Variants in LRP1 observed in about 807,000 individuals in gnomAD.
The protein encoded by LRP1 is prolow-density lipoprotein receptor-related protein 1.
Under a neutral mutation model 541.5 loss-of-function variants are expected in LRP1, and 51 were observed. That is an observed-to-expected ratio of 0.09 (90% CI 0.08 to 0.12). The LOEUF (loss-of-function observed/expected upper bound fraction) is 0.12. Among genes scored for constraint, LRP1 ranks in the 10% least tolerant of loss-of-function variants. The probability of loss-of-function intolerance (pLI) is 1.00; values close to 1 mark genes in which losing one functional copy is unlikely to be tolerated. For synonymous variants in LRP1, 2,219 were observed against 2,470.8 expected, an observed-to-expected ratio of 0.90 and a Z score of 3.02; for missense variants, 3,878 against 6,376.2, an observed-to-expected ratio of 0.61 and a Z score of 13.34.
intron 11 of LRP1, among the ~76,000 whole-genome samples, chr12:57,159,309 T>C (rs969058164): frequency 1.3e-5 from 2 of 152,132 alleles, no homozygotes; most frequent in African/African-American, 2.4e-5. Flanking sequence ...AGCAATCATA[T>C]CACAAGACTT....
chr12:57,129,940 A>G (rs2035003764), intron 1 of LRP1, among the ~76,000 whole-genome samples: 1 of 151,952 alleles, frequency 6.6e-6, no homozygotes, highest in South Asian at 2.1e-4. Context: ...TATTCCCTGC[A>G]CCCCTCCAAG....
intron 20 of LRP1, among the ~76,000 whole-genome samples, chr12:57,172,063 T>C (rs1234215326): frequency 3.6e-5 from 2 of 55,998 alleles, no homozygotes; most frequent in Non-Finnish European, 6.6e-5. Context: ...TTCTTTTTTC[T>C]TTTTTTTTTT....
chr12:57,191,836 T>TGTAC (rs2036393436), intron 44 of LRP1, among the ~76,000 whole-genome samples: 1 of 15,946 alleles, frequency 6.3e-5, no homozygotes, highest in Non-Finnish European at 1.2e-4. Context: ...ACCACACACA[T>TGTAC]ACCACACACA....
chr12:57,212,740 C>T lies in LRP1; in HGVS notation c.*185C>T, dbSNP rs757939090. 5.5e-4 allele frequency: 347 copies of T among 634,928 alleles called. No homozygotes were observed. Among genetic ancestry groups the T allele is most frequent in the Non-Finnish European group, 8.1e-4 (314 of 385,516 alleles). The allele number at this position is 634,928 out of a possible 1,614,324, so 39.3% of individuals were successfully genotyped here. A position where few individuals can be genotyped will look rare whatever the true frequency, so the allele number is the denominator to read the frequency against. ...GCGAGCACAGTATTATTTCTCCATC[C>T]CCTCCCTGCCTGCTCCTTGGCACCC... On this transcript the variant is annotated 3_prime_UTR_variant, in exon 89 of 89. Transcript: ENST00000243077. This position sits in a 1 kb window ranked among gnomAD's most constrained non-coding sequence, Gnocchi z 5.0.
Position 57,205,288 on chromosome 12 carries a change from G to C in LRP1, c.11335+39G>C. 6.3e-7 allele frequency: 1 copy of C among 1,597,356 alleles called. No individual in the cohort carries two copies. Among genetic ancestry groups the C allele is most frequent in the Non-Finnish European group, 8.6e-7 (1 of 1,169,246 alleles). ...GCGGACCGGACGCTGGTGGGGAGTG[G>C]GGAGAGCCAAGCCCTGGCCTGGGGT... is the stretch of plus-strand genomic sequence containing the variant. On this transcript the variant is annotated intron_variant, in intron 73 of 88. Coordinates refer to ENST00000243077, the MANE Select transcript of LRP1 (RefSeq NM_002332.3). The surrounding 1 kb of genome is among the most constrained non-coding windows in gnomAD (Gnocchi z 4.6).
At chr12:57,208,462 G>A in intron 77 of LRP1, 1 of 596,744 alleles carries the variant, frequency 1.7e-6, no homozygotes. Context: ...GTCATGCACA[G>A]CCACACTCTG....
chr12:57,168,419 G>A (rs1357623572), intron 19 of LRP1, among the ~76,000 whole-genome samples: 1 of 152,180 alleles, frequency 6.6e-6, no homozygotes, highest in Non-Finnish European at 1.5e-5. Flanking sequence ...ACGGCAGAGG[G>A]AGCCTCTGAG....
chr12:57,198,178 G>A lies in LRP1; in HGVS notation c.9305G>A (p.Ser3102Asn). Residue 3102 changes from serine (S) to asparagine (N), a missense_variant, in exon 59 of 89, where the codon AGC becomes AAC. By Grantham distance (46) the Ser-to-Asn change is conservative. Coordinates refer to ENST00000243077, the MANE Select transcript of LRP1 (RefSeq NM_002332.3). Reference sequence around the variant, plus strand: ...CAGGTCCTACACCGTACAGGCCTCAGCAACCCCGATGGGCTGGCTGTGGAC... The same window carrying A: ...CAGGTCCTACACCGTACAGGCCTCAACAACCCCGATGGGCTGGCTGTGGAC... ...NVQVLHRTGL[S>N]NPDGLAVDWV... The A allele has an allele frequency of 6.2e-7, 1 of 1,612,536 alleles. No individual in the cohort carries two copies. The highest frequency in any genetic ancestry group is 8.5e-7 in the Non-Finnish European group (1 of 1,179,766).
At chr12:57,193,062 C>A (rs554769627) in intron 45 of LRP1, 92 bp downstream of exon 45, 61 of 1,585,646 alleles carry the variant, frequency 3.8e-5, no homozygotes, top group Non-Finnish European at 4.8e-5. Context: ...CCCAGCCCCC[C>A]AAAGCCTTTT....
chr12:57,191,572 C>A, intron 44 of LRP1, 60 bp downstream of exon 44: 8 of 1,421,042 alleles, frequency 5.6e-6, no homozygotes, highest in Non-Finnish European at 7.7e-6. Flanking sequence ...GACATACAAA[C>A]ACACACCCCA....
chr12:57,212,560 C>A lies in LRP1; in HGVS notation c.*5C>A. ...ATAGGGGACCCCTTGGCATAGGGCCCTGCCCCGTCGGACTGCCCCCAGAAA... is the reference window on the plus strand; with the variant it reads ...ATAGGGGACCCCTTGGCATAGGGCCATGCCCCGTCGGACTGCCCCCAGAAA... On this transcript the variant is annotated 3_prime_UTR_variant, in exon 89 of 89. Transcript: ENST00000243077. This position sits in a 1 kb window ranked among gnomAD's most constrained non-coding sequence, Gnocchi z 5.0. 6.3e-7 allele frequency: 1 copy of A among 1,584,958 alleles called. No individual in the cohort carries two copies. Among genetic ancestry groups the A allele is most frequent in the Non-Finnish European group, 8.6e-7 (1 of 1,164,516 alleles).
intron 79 of LRP1, 45 bp from the exon 80 acceptor site, chr12:57,209,647 C>T: frequency 1.3e-6 from 2 of 1,566,212 alleles, no homozygotes; most frequent in South Asian, 1.1e-5. Flanking sequence ...ATGGCCAGGG[C>T]CTGAGTGCCC....
chr12:57,195,492 C>G, intron 52 of LRP1, 93 bp downstream of exon 52: 5 of 1,578,154 alleles, frequency 3.2e-6, no homozygotes, highest in Non-Finnish European at 2.6e-6. Context: ...GAGGAAATGC[C>G]TCAGCGGGGT....
Position 57,138,576 on chromosome 12 carries a change from A to C in LRP1, c.185A>C (p.Glu62Ala), listed in dbSNP as rs748981547. 1 of 1,613,822 alleles carries C rather than the reference A, an allele frequency of 6.2e-7. No individual in the cohort carries two copies. The highest frequency in any genetic ancestry group is 1.1e-5 in the South Asian group (1 of 91,056). Residue 62 changes from glutamate to alanine, a missense_variant, in exon 2 of 89, where the codon GAG (glutamate) becomes GCG (alanine). By Grantham distance (107) the Glu-to-Ala change is moderately radical. Around this residue, in one of 13 missense-constraint regions of LRP1, gnomAD observed 293 missense variants for 403.7 expected, o/e 0.73. Transcript: ENST00000243077. ...CCAGACGGATCTGACGAGGCCCCTG[A>C]GATTTGTAAGTACCTTTTCTGGATT... ...DCPDGSDEAPEICPQSKAQRC... is the reference protein window; with the variant it reads ...DCPDGSDEAPAICPQSKAQRC...
intron 76 of LRP1, among the ~76,000 whole-genome samples, chr12:57,207,221 C>T (rs1266946384): frequency 4.8e-5 from 7 of 144,416 alleles, no homozygotes; most frequent in Non-Finnish European, 7.5e-5. Flanking sequence ...CCAGCCTGGG[C>T]GAGAGAGTGA....
chr12:57,183,240 T>C lies in LRP1; in HGVS notation c.5663-139T>C. 2.1e-6 allele frequency: 2 copies of C among 941,204 alleles called. No individual in the cohort carries two copies. Among genetic ancestry groups the C allele is most frequent in the Non-Finnish European group, 1.6e-6 (1 of 632,510 alleles). 58.3% of individuals were successfully genotyped at this position (941,204 alleles called of 1,614,324 possible). On this transcript the variant is annotated intron_variant, in intron 34 of 88. Coordinates refer to ENST00000243077, the MANE Select transcript of LRP1 (RefSeq NM_002332.3). This position sits in a 1 kb window ranked among gnomAD's most constrained non-coding sequence, Gnocchi z 6.1. ...CATGCTCTGGCCTCAGGCTAGGGTG[T>C]GTGTGCTGGGTGGAGGATAGGGATG... is the stretch of plus-strand genomic sequence containing the variant.
Position 57,212,502 on chromosome 12 carries a change from C to A in LRP1, c.13582C>A (p.Arg4528=), listed in dbSNP as rs1480326508. 6.2e-7 allele frequency: 1 copy of A among 1,613,914 alleles called. No homozygotes were observed. The highest frequency in any genetic ancestry group is 8.5e-7 in the Non-Finnish European group (1 of 1,179,920). ...RHSLASTDEK[R]ELLGRGPEDE... is the part of the protein sequence containing the mutation. ...CTCCCTGGCCAGCACGGACGAGAAGCGAGAACTCCTGGGCCGGGGCCCTGA... is the reference window on the plus strand; with the variant it reads ...CTCCCTGGCCAGCACGGACGAGAAGAGAGAACTCCTGGGCCGGGGCCCTGA... Residue 4528 remains arginine, a synonymous_variant, in exon 89 of 89, where the codon CGA becomes AGA. Transcript: ENST00000243077. This position sits in a 1 kb window ranked among gnomAD's most constrained non-coding sequence, Gnocchi z 5.0.
rs1434106046 is a variant in LRP1, at chr12:57,178,507, G to T, written c.4510G>T (p.Ala1504Ser). The T allele has an allele frequency of 6.2e-7, 1 of 1,614,096 alleles. No individual in the cohort carries two copies. Among genetic ancestry groups the T allele is most frequent in the Non-Finnish European group, 8.5e-7 (1 of 1,180,034 alleles). Residue 1504 changes from alanine (A) to serine (S), a missense_variant, in exon 27 of 89, where the codon GCC (alanine) becomes TCC (serine). Ala to Ser is a moderately conservative substitution (Grantham distance 99, BLOSUM62 1). This residue lies in a region of LRP1 where 54 missense variants were observed against 167.7 expected (regional missense o/e 0.32). Transcript: ENST00000243077. This position sits in a 1 kb window ranked among gnomAD's most constrained non-coding sequence, Gnocchi z 5.8. ...CTGGCGAACAAACACACTGGCTAAG[G>T]CCAACAAGTGGACCGGCCACAATGT... ...TDWRTNTLAK[A>S]NKWTGHNVTV...
intron 69 of LRP1, 36 bp from the exon 70 acceptor site, chr12:57,203,353 C>A (rs763405591): frequency 6.3e-7 from 1 of 1,591,672 alleles, no homozygotes; most frequent in South Asian, 1.1e-5. Flanking sequence ...TGGGGAGTGC[C>A]GAGAGGTGAC....
Sources: allele counts gnomAD v4.1 joint callset (sites outside exome capture counted in the v4.1 genomes callset), GRCh38; gene constraint gnomAD v4.1.1; regional missense constraint gnomAD v4.1.1; non-coding constraint Gnocchi (gnomAD v3.1); transcripts MANE v1.5; gene names NCBI Gene and HGNC (gene_info 2026-07-23, HGNC 2026-07-21).